MYBL1: variants seen among roughly 807,000 people sequenced by gnomAD.
MYBL1 encodes the protein MYB proto-oncogene like 1.
A neutral mutation model predicts 96.3 loss-of-function variants in MYBL1; 17 were observed. That is an observed-to-expected ratio of 0.18 (90% confidence interval 0.12 to 0.26). MYBL1 has a LOEUF of 0.26. Ranked by LOEUF, MYBL1 falls within the 10% of genes least tolerant of loss-of-function variation. MYBL1 has a pLI of 1.00. For missense variants in MYBL1, 701 were observed against 882.9 expected, an observed-to-expected ratio of 0.79 and a Z score of 2.61; for synonymous variants, 282 against 292.7, an observed-to-expected ratio of 0.96 and a Z score of 0.37.
intron 3 of MYBL1, among the ~76,000 whole-genome samples, chr8:66,599,979 T>C (rs1810005601): frequency 6.6e-6 from 1 of 152,152 alleles, no homozygotes; most frequent in Admixed American, 6.5e-5. Flanking sequence ...ATAGTCTACA[T>C]AGAAGATGAA....
intron 7 of MYBL1, 23 bp from the exon 8 acceptor site, chr8:66,592,567 G>A: frequency 7.3e-7 from 1 of 1,369,724 alleles, no homozygotes; most frequent in Non-Finnish European, 1.0e-6. Flanking sequence ...AAATAAAAGA[G>A]AAAACAGGAT....
intron 9 of MYBL1, among the ~76,000 whole-genome samples, chr8:66,578,161 T>C (rs990481676): frequency 7.9e-5 from 12 of 152,040 alleles, no homozygotes; most frequent in African/African-American, 2.7e-4. Context: ...ATTCAGGACA[T>C]AGGCATGGAC....
At chr8:66,588,994 G>A (rs930421216) in intron 8 of MYBL1, among the ~76,000 whole-genome samples, 4 of 152,006 alleles carry the variant, frequency 2.6e-5, no homozygotes, top group African/African-American at 4.8e-5. Context: ...CACTCCAGCC[G>A]GGCGACAGTG....
intron 2 of MYBL1, 39 bp from the exon 3 acceptor site, chr8:66,601,808 G>T: frequency 9.2e-7 from 1 of 1,091,842 alleles, no homozygotes; most frequent in Non-Finnish European, 1.3e-6. Flanking sequence ...CTTTCCCCCC[G>T]TCCTTTTCCT....
rs375824117 is a variant in MYBL1 at position 66,580,702 on chromosome 8, A to G, written c.868-336T>C. 6.1e-4 allele frequency among the ~76,000 whole-genome samples: 93 copies of G among 152,282 alleles called. 2 individuals are homozygous for G. The highest frequency in any genetic ancestry group is 2.5e-3 in the East Asian group (13 of 5,186). On this transcript the variant is annotated intron_variant, in intron 8 of 15. Coordinates refer to ENST00000522677, the MANE Select transcript of MYBL1 (RefSeq NM_001080416.4). ...TATTTAAACCTTATCATGTGTATCT[A>G]TTTATTCCTGGTAGTTATCAGAAAT...
At chr8:66,589,978 G>A (rs1169295576) in intron 8 of MYBL1, among the ~76,000 whole-genome samples, 1 of 152,032 alleles carries the variant, frequency 6.6e-6, no homozygotes, top group Non-Finnish European at 1.5e-5. Flanking sequence ...GGAAGCTGAG[G>A]TGGGAGGACT....
At chr8:66,570,438 C>G (rs1055037572) in intron 12 of MYBL1, among the ~76,000 whole-genome samples, 4 of 151,906 alleles carry the variant, frequency 2.6e-5, no homozygotes, top group Non-Finnish European at 5.9e-5. Context: ...ACTACAAGAG[C>G]ATACTACCAC....
chr8:66,593,306 T>C, intron 6 of MYBL1, 112 bp from the exon 7 acceptor site: 2 of 594,490 alleles, frequency 3.4e-6, no homozygotes, highest in East Asian at 5.9e-5. Flanking sequence ...ACTTAGAAAG[T>C]ACCTGTATTA....
intron 11 of MYBL1, among the ~76,000 whole-genome samples, chr8:66,572,931 C>A (rs1808792523): frequency 6.6e-6 from 1 of 152,012 alleles, no homozygotes; most frequent in Admixed American, 6.6e-5. Context: ...AAAAAAAATT[C>A]TGGCCGGCCA....
In MYBL1 at chr8:66,612,902, C is replaced by T; in HGVS notation, c.-64G>A. The stretch of plus-strand genomic sequence containing the variant: ...CGGGTCAGCCTCCTCCAGCCTCCGG[C>T]GAATGCTCCTTCTCCCCGATCCTCT... On this transcript the variant is annotated 5_prime_UTR_variant, in exon 1 of 16. Coordinates refer to ENST00000522677, the MANE Select transcript of MYBL1 (RefSeq NM_001080416.4). 1 of 1,323,130 alleles carries T rather than the reference C, an allele frequency of 7.6e-7. No individual in the cohort carries two copies. Among genetic ancestry groups the T allele is most frequent in the South Asian group, 2.6e-5 (1 of 38,540 alleles). 82.0% of individuals were successfully genotyped at this position (1,323,130 alleles called of 1,614,324 possible). A position where few individuals can be genotyped will look rare whatever the true frequency, so the allele number is the denominator to read the frequency against.
intron 1 of MYBL1, among the ~76,000 whole-genome samples, chr8:66,608,915 C>A (rs1810423603): frequency 6.6e-6 from 1 of 152,094 alleles, no homozygotes; most frequent in South Asian, 2.1e-4. Flanking sequence ...GACTCGGTTT[C>A]CAGAATGATT....
At chr8:66,594,679 G>A (rs1450485783) in intron 6 of MYBL1, among the ~76,000 whole-genome samples, 2 of 152,030 alleles carry the variant, frequency 1.3e-5, no homozygotes, top group Non-Finnish European at 2.9e-5. Context: ...AAACCTTAAG[G>A]TATTGAGTAT....
intron 1 of MYBL1, among the ~76,000 whole-genome samples, chr8:66,610,799 G>A (rs1041866961): frequency 6.6e-6 from 1 of 152,052 alleles, no homozygotes; most frequent in African/African-American, 2.4e-5. Context: ...TAAGTATGAA[G>A]ACTTAAGAGA....
rs1431991717 is a variant in MYBL1 at position 66,602,728 on chromosome 8, TATATA to T, written c.21-210_21-206del. ...ATATATATATATATATATATATATA[TATATA>T]TTTTTTTTTTTTTTTTTTTTTTTTT... is the stretch of plus-strand genomic sequence containing the variant. On this transcript the variant is annotated intron_variant, in intron 1 of 15. Coordinates refer to ENST00000522677, the MANE Select transcript of MYBL1 (RefSeq NM_001080416.4). 6.3e-3 allele frequency among the ~76,000 whole-genome samples: 316 copies of T among 50,044 alleles called. 2 individuals are homozygous for T. The highest frequency in any genetic ancestry group is 7.4e-3 in the Non-Finnish European group (208 of 27,982). The allele number at this position is 50,044 out of a possible 152,430, so 32.8% of individuals were successfully genotyped here.
At chr8:66,585,052 A>C (rs1266103285) in intron 8 of MYBL1, among the ~76,000 whole-genome samples, 2 of 152,166 alleles carry the variant, frequency 1.3e-5, no homozygotes, top group African/African-American at 4.8e-5. Context: ...AAATTCATTT[A>C]AAAAACTACA....
At chr8:66,574,979 G>A (rs541338454) in intron 10 of MYBL1, among the ~76,000 whole-genome samples, 6 of 152,152 alleles carry the variant, frequency 3.9e-5, no homozygotes, top group Non-Finnish European at 5.9e-5. Flanking sequence ...ACTTGAACCC[G>A]GGAGGCGGAG....
rs963712232 is a variant in MYBL1 at position 66,609,248 on chromosome 8, A to G, written c.20+3571T>C. Among the ~76,000 whole-genome samples the G allele has an allele frequency of 3.9e-5, 6 of 152,222 alleles. No individual in the cohort carries two copies. In the East Asian group the frequency reaches 1.2e-3, roughly 29 times the overall value. On this transcript the variant is annotated intron_variant, in intron 1 of 15. Transcript: ENST00000522677. Reference sequence around the variant, plus strand: ...TAGAAGTTCAATTTTAGAGGATAACAATTATATCACTTAAACCAGTAAATG... The same window carrying G: ...TAGAAGTTCAATTTTAGAGGATAACGATTATATCACTTAAACCAGTAAATG...
chr8:66,569,935 T>C (rs1252725665), intron 12 of MYBL1, among the ~76,000 whole-genome samples: 2 of 152,216 alleles, frequency 1.3e-5, no homozygotes, highest in Non-Finnish European at 2.9e-5. Context: ...ATATTTAAGA[T>C]ATACCTGATT....
chr8:66,609,029 A>T (rs1810426924), intron 1 of MYBL1, among the ~76,000 whole-genome samples: 1 of 152,120 alleles, frequency 6.6e-6, no homozygotes, highest in South Asian at 2.1e-4. Flanking sequence ...CTGTGAATTA[A>T]AGTGATTAGG....
Sources: allele counts gnomAD v4.1 joint callset (sites outside exome capture counted in the v4.1 genomes callset), GRCh38; gene constraint gnomAD v4.1.1; transcripts MANE v1.5; gene names NCBI Gene and HGNC (gene_info 2026-07-23, HGNC 2026-07-21).